Variants in SSBP3 observed in about 807,000 individuals in gnomAD.
The protein encoded by SSBP3 is single stranded DNA binding protein 3.
SSBP3 carries 5 observed loss-of-function variants against 69.6 expected under a neutral mutation model. The ratio of observed to expected loss-of-function variants is 0.07; its 90% CI spans 0.04 to 0.15. The LOEUF (loss-of-function observed/expected upper bound fraction) is 0.15, where lower values mean the gene tolerates loss of function less well. SSBP3 is among the 10% of genes least tolerant of loss of function. SSBP3 has a pLI of 1.00. For missense variants in SSBP3, 312 were observed against 534.0 expected (o/e 0.58, Z 4.10); for synonymous variants, 196 against 193.4 (o/e 1.01, Z -0.11).
intron 4 of SSBP3, among the ~76,000 whole-genome samples, chr1:54,289,398 TG>T (rs930199319): frequency 4.2e-5 from 5 of 118,414 alleles, no homozygotes; most frequent in Admixed American, 1.8e-4. Context: ...GGGGGTGGGG[TG>T]GGGGGCTGTA....
intron 4 of SSBP3, among the ~76,000 whole-genome samples, chr1:54,310,853 T>C (rs1339332249): frequency 6.6e-6 from 1 of 152,224 alleles, no homozygotes; most frequent in Non-Finnish European, 1.5e-5. Context: ...CCCCGCTTTA[T>C]GCAGTGAGGG....
chr1:54,385,948 T>A (rs1648047416), intron 4 of SSBP3, among the ~76,000 whole-genome samples: 1 of 152,184 alleles, frequency 6.6e-6, no homozygotes, highest in African/African-American at 2.4e-5. Flanking sequence ...AAAAGTAAAG[T>A]CGCTTCCTTT....
intron 10 of SSBP3, 80 bp from the exon 11 acceptor site, chr1:54,242,292 A>G (rs1644653515): frequency 1.9e-6 from 3 of 1,538,732 alleles, no homozygotes; most frequent in Non-Finnish European, 2.7e-6. Flanking sequence ...GGGCAGAAGG[A>G]AAGGGCTGAA....
intron 4 of SSBP3, among the ~76,000 whole-genome samples, chr1:54,393,748 T>C (rs796102833): frequency 2.0e-5 from 3 of 152,328 alleles, no homozygotes; most frequent in African/African-American, 7.2e-5. Context: ...TATGACCTTA[T>C]AAAGGCATAC....
At chr1:54,326,028 C>T (rs1646296388) in intron 4 of SSBP3, among the ~76,000 whole-genome samples, 1 of 151,466 alleles carries the variant, frequency 6.6e-6, no homozygotes, top group African/African-American at 2.4e-5. Flanking sequence ...GAGGCAGGCA[C>T]AGGGGCCGAG....
chr1:54,246,948 G>A (rs12094350), intron 9 of SSBP3, among the ~76,000 whole-genome samples: 2,893 of 152,344 alleles, frequency 0.019, 87 homozygotes, highest in African/African-American at 0.065. Context: ...AGGTGATGAC[G>A]GTGAAGCTGT....
At chr1:54,360,271 T>TA in intron 4 of SSBP3, among the ~76,000 whole-genome samples, 1 of 152,296 alleles carries the variant, frequency 6.6e-6, no homozygotes, top group South Asian at 2.1e-4. Flanking sequence ...AGAGGAAAGT[T>TA]AGAGCACAGA....
At chr1:54,408,954 G>C (rs138776175), upstream of SSBP3, among the ~76,000 whole-genome samples, 1,303 of 152,310 alleles carry the variant, frequency 8.6e-3, 11 homozygotes, top group South Asian at 0.029. Flanking sequence ...CAGGGAGAGT[G>C]TCTTAGCCAC....
intron 13 of SSBP3, among the ~76,000 whole-genome samples, chr1:54,240,087 TGCGCGCGCGC>T (rs56281276): frequency 0.012 from 490 of 42,346 alleles, 9 homozygotes; most frequent in Non-Finnish European, 0.014. Context: ...TGTGTGTGTG[TGCGCGCGCGC>T]GCGTGTGCGT....
chr1:54,233,371 C>G (rs1310396177), intron 14 of SSBP3, among the ~76,000 whole-genome samples: 9 of 147,828 alleles, frequency 6.1e-5, no homozygotes, highest in Non-Finnish European at 1.0e-4. Context: ...AAGTGAGGAG[C>G]CCCTCTGCCC....
At chr1:54,396,866 C>T (rs1056144762) in intron 4 of SSBP3, among the ~76,000 whole-genome samples, 40 of 152,272 alleles carry the variant, frequency 2.6e-4, no homozygotes, top group African/African-American at 6.3e-4. Context: ...GGGGTCTTGC[C>T]GCCACTTGAA....
intron 4 of SSBP3, among the ~76,000 whole-genome samples, chr1:54,377,504 C>T (rs750544432): frequency 1.3e-5 from 2 of 152,196 alleles, no homozygotes; most frequent in African/African-American, 2.4e-5. Context: ...TGAGGTAGGA[C>T]GCCAGCAGCC....
chr1:54,309,321 T>TTTA (rs954987624), intron 4 of SSBP3, among the ~76,000 whole-genome samples: 8 of 152,186 alleles, frequency 5.3e-5, no homozygotes, highest in African/African-American at 1.7e-4. Context: ...AGTAGCCTAA[T>TTTA]GAGAGCTGAT....
chr1:54,249,887 C>CT (rs1644797721), intron 9 of SSBP3, among the ~76,000 whole-genome samples: 1 of 152,120 alleles, frequency 6.6e-6, no homozygotes, highest in African/African-American at 2.4e-5. Context: ...CGCTGAGCCT[C>CT]TGAGGATCCA....
chr1:54,358,688 A>G (rs1569926136), intron 4 of SSBP3, among the ~76,000 whole-genome samples: 2 of 152,310 alleles, frequency 1.3e-5, no homozygotes, highest in South Asian at 2.1e-4. Flanking sequence ...CTAGCTGGAC[A>G]GCGCTGTGGG....
intron 4 of SSBP3, among the ~76,000 whole-genome samples, chr1:54,319,020 C>T (rs1325290272): frequency 1.3e-5 from 2 of 152,128 alleles, no homozygotes; most frequent in African/African-American, 4.8e-5. Flanking sequence ...TTGGCCGAAT[C>T]CTTAGTGTTC....
At chr1:54,399,248 T>C (rs1323016097) in intron 4 of SSBP3, among the ~76,000 whole-genome samples, 3 of 152,252 alleles carry the variant, frequency 2.0e-5, no homozygotes, top group African/African-American at 7.2e-5. Flanking sequence ...TTAGGTGGAA[T>C]AGTGCCAACA....
chr1:54,241,014 AGGGGCC>A, intron 12 of SSBP3, 55 bp from the exon 13 acceptor site: 1 of 1,556,830 alleles, frequency 6.4e-7, no homozygotes, highest in Non-Finnish European at 8.7e-7. Context: ...GAACATGGGG[AGGGGCC>A]GGCATCCTCC....
chr1:54,313,840 C>G (rs2100304434), intron 4 of SSBP3, among the ~76,000 whole-genome samples: 1 of 152,022 alleles, frequency 6.6e-6, no homozygotes, highest in East Asian at 1.9e-4. Flanking sequence ...GATCTCAGCT[C>G]ACTGCAACCT....
Sources: gnomAD v4.1 joint callset for allele counts (sites outside exome capture counted in the v4.1 genomes callset) on GRCh38, gnomAD v4.1.1 for gene constraint, MANE v1.5 for transcripts, NCBI Gene and HGNC (gene_info 2026-07-23, HGNC 2026-07-21) for gene names.